The following JADE3 variants were observed in gnomAD, a reference collection of about 807,000 sequenced individuals.
JADE3 encodes the protein protein Jade-3.
Under a neutral mutation model 50.1 loss-of-function variants are expected in JADE3, and 2 were observed. That is an observed-to-expected ratio of 0.04 (90% confidence interval 0.02 to 0.13). JADE3 has a LOEUF of 0.13. Among genes scored for constraint, JADE3 ranks in the 10% least tolerant of loss-of-function variants. The pLI is 1.00. For synonymous variants in JADE3, 218 were observed against 232.9 expected, an observed-to-expected ratio of 0.94 and a Z score of 0.58; for missense variants, 475 against 634.4, an observed-to-expected ratio of 0.75 and a Z score of 2.70.
At chrX:47,016,452 A>G (rs1423583373) in intron 4 of JADE3, among the ~76,000 whole-genome samples, 1 of 111,545 alleles carries the variant, frequency 9.0e-6, no homozygotes, top group Non-Finnish European at 1.9e-5. Context: ...CTTCTTACAG[A>G]CAGTTCAGGA....
intron 1 of JADE3, among the ~76,000 whole-genome samples, chrX:46,944,304 CTTCTT>C (rs1926832225): frequency 2.8e-5 from 1 of 35,908 alleles, no homozygotes; most frequent in Non-Finnish European, 4.7e-5. Context: ...ATCTTTCTCA[CTTCTT>C]TTTTTTTTTT....
chrX:46,943,524 A>G (rs1259748803), intron 1 of JADE3, among the ~76,000 whole-genome samples: 2 of 112,283 alleles, frequency 1.8e-5, no homozygotes, highest in Non-Finnish European at 3.8e-5. Context: ...CATTTATTGA[A>G]TTGCATATGT....
chrX:46,983,617 C>A (rs782586285), intron 1 of JADE3, among the ~76,000 whole-genome samples: 1 of 111,414 alleles, frequency 9.0e-6, no homozygotes, highest in African/African-American at 3.3e-5. Flanking sequence ...ACCCTGTGTT[C>A]TTGGCTACTG....
chrX:47,030,385 C>A (rs1556366467), intron 6 of JADE3, among the ~76,000 whole-genome samples: 2 of 111,624 alleles, frequency 1.8e-5, no homozygotes, highest in East Asian at 5.6e-4. Context: ...CAATAACTGA[C>A]CAGACCTTGC....
At chrX:47,029,241 T>C (rs1928967880) in intron 6 of JADE3, among the ~76,000 whole-genome samples, 1 of 112,231 alleles carries the variant, frequency 8.9e-6, no homozygotes, top group Admixed American at 9.5e-5. Context: ...CAGGGACAAC[T>C]TCCAGGAGGT....
intron 1 of JADE3, among the ~76,000 whole-genome samples, chrX:46,930,187 T>TTACTCTC (rs1379508623): frequency 1.8e-5 from 2 of 111,965 alleles, no homozygotes; most frequent in African/African-American, 3.2e-5. Flanking sequence ...AGCTTCTTTC[T>TTACTCTC]TACTCTCCAT....
chrX:46,934,361 C>T (rs1926565469), intron 1 of JADE3, among the ~76,000 whole-genome samples: 1 of 107,520 alleles, frequency 9.3e-6, no homozygotes, highest in Non-Finnish European at 1.9e-5. Flanking sequence ...TACAGTGGCG[C>T]GATCTCGGCT....
chrX:47,054,347 G>T lies in JADE3; in HGVS notation c.1162G>T (p.Ala388Ser). 1 of 1,211,379 alleles carries T rather than the reference G, an allele frequency of 8.3e-7. No individual in the cohort carries two copies. The highest frequency in any genetic ancestry group is 3.0e-5 in the East Asian group (1 of 33,819). ...CCACAGGGCTAAAGAGCAGAGCCAGGCCAAAAGTGAGAAAACCAGCCTGCG... is the reference window on the plus strand; with the variant it reads ...CCACAGGGCTAAAGAGCAGAGCCAGTCCAAAAGTGAGAAAACCAGCCTGCG... ...PHHRAKEQSQ[A>S]KSEKTSLRAQ... Residue 388 changes from alanine (A) to serine (S), a missense_variant, in exon 9 of 11, where the codon GCC becomes TCC. This residue lies in a region of JADE3 where 81 missense variants were observed against 123.8 expected (regional missense o/e 0.65). Transcript: ENST00000614628.
chrX:47,028,664 G>A (rs1556366129), intron 6 of JADE3, among the ~76,000 whole-genome samples: 1 of 111,346 alleles, frequency 9.0e-6, no homozygotes, highest in Non-Finnish European at 1.9e-5. Context: ...GAGGTGAAGT[G>A]ACTTTACCCA....
At chrX:46,986,271 A>G (rs1556354574) in intron 3 of JADE3, among the ~76,000 whole-genome samples, 1 of 112,547 alleles carries the variant, frequency 8.9e-6, no homozygotes, top group Non-Finnish European at 1.9e-5. Context: ...TCTGCCTCCT[A>G]ACTATATACC....
intron 8 of JADE3, among the ~76,000 whole-genome samples, chrX:47,049,181 CTTTTTTTTT>C (rs376747614): frequency 2.6e-5 from 2 of 77,561 alleles, no homozygotes; most frequent in Admixed American, 1.7e-4. Context: ...CTTTCTTCTT[CTTTTTTTTT>C]TTTTTTTTTT....
chrX:46,984,248 G>A (rs868933234), intron 1 of JADE3, among the ~76,000 whole-genome samples: 6 of 112,129 alleles, frequency 5.4e-5, no homozygotes, highest in Admixed American at 9.4e-5. Flanking sequence ...CACTTGAACC[G>A]TTGGAAGTTT....
At chrX:46,993,368 A>G (rs1308975796) in intron 3 of JADE3, among the ~76,000 whole-genome samples, 3 of 112,321 alleles carry the variant, frequency 2.7e-5, no homozygotes, top group Non-Finnish European at 5.6e-5. Context: ...TTTCTGACCT[A>G]CAGCAGATAA....
rs1177328254 is a variant in JADE3 at position 47,057,626 on chromosome X, A to G, written c.1562-541A>G. 3.6e-5 allele frequency among the ~76,000 whole-genome samples: 4 copies of G among 111,316 alleles called. No homozygotes were observed. The Admixed American group carries it at 3.9e-4, about 11-fold the overall frequency. The stretch of plus-strand genomic sequence containing the variant: ...TAAAATTTATGGGAACCACCCAACT[A>G]TCACCTCTAATGCCAAGTTCAAACA... On this transcript the variant is annotated intron_variant, in intron 10 of 10. Transcript: ENST00000614628.
In JADE3 at chrX:46,985,726, C is replaced by T; in HGVS notation, c.60C>T (p.Ser20=). ...SDSSDESPST[S]FTSGSMYRIK... ...TATCTTTCACAGGTCCTTCCACTTC[C>T]TTTACTTCTGGCTCAATGTATAGGA... Residue 20 remains serine, a synonymous_variant, in exon 3 of 11, where the codon TCC becomes TCT. Transcript: ENST00000614628. The T allele has an allele frequency of 8.4e-7, 1 of 1,195,937 alleles. No homozygotes were observed. The highest frequency in any genetic ancestry group is 1.7e-5 in the African/African-American group (1 of 57,450).
chrX:46,994,726 T>C (rs1928087448), intron 3 of JADE3, among the ~76,000 whole-genome samples: 1 of 111,956 alleles, frequency 8.9e-6, no homozygotes. Context: ...AATTACTTTG[T>C]GGACTATAGA....
intron 1 of JADE3, among the ~76,000 whole-genome samples, chrX:46,964,996 T>C (rs1927338635): frequency 8.9e-6 from 1 of 111,963 alleles, no homozygotes; most frequent in Admixed American, 9.5e-5. Context: ...TTTCATACTT[T>C]AAATTCATAT....
intron 8 of JADE3, among the ~76,000 whole-genome samples, chrX:47,049,221 T>C (rs539408868): frequency 2.4e-3 from 221 of 93,243 alleles, no homozygotes; most frequent in Middle Eastern, 5.1e-3. Context: ...TGAGTCTTGC[T>C]CTGTCGCCCA....
intron 1 of JADE3, among the ~76,000 whole-genome samples, chrX:46,960,937 C>T (rs1450440073): frequency 6.3e-5 from 7 of 111,255 alleles, no homozygotes; most frequent in African/African-American, 3.3e-5. Flanking sequence ...TCGCACTCTC[C>T]ACTCTACTAA....
Sources: allele counts gnomAD v4.1 joint callset (sites outside exome capture counted in the v4.1 genomes callset), GRCh38; gene constraint gnomAD v4.1.1; regional missense constraint gnomAD v4.1.1; transcripts MANE v1.5; gene names NCBI Gene and HGNC (gene_info 2026-07-23, HGNC 2026-07-21).